UGT1A5: variants seen among roughly 807,000 people sequenced by gnomAD.
UGT1A5 encodes the protein UDP-glucuronosyltransferase 1A5.
UGT1A5 carries 29 observed loss-of-function variants against 40.3 expected under a neutral mutation model. The observed-to-expected ratio is 0.72, with a 90% CI of 0.54 to 0.98. The LOEUF is 0.98. Among genes scored for constraint, UGT1A5 ranks in the 50% least tolerant of loss-of-function variants. The pLI, the probability that UGT1A5 is intolerant of heterozygous loss-of-function variation, is 0.00. For synonymous variants in UGT1A5, 257 were observed against 262.5 expected, an observed-to-expected ratio of 0.98 and a Z score of 0.20; for missense variants, 678 against 677.9, an observed-to-expected ratio of 1.00 and a Z score of 0.00.
intron 1 of UGT1A5, among the ~76,000 whole-genome samples, chr2:233,717,089 A>C (rs570408978): frequency 1.1e-4 from 16 of 152,286 alleles, no homozygotes; most frequent in South Asian, 2.1e-4. Flanking sequence ...AAATCAGATG[A>C]CATCACTATC....
At chr2:233,730,838 T>G (rs2078079443) in intron 1 of UGT1A5, among the ~76,000 whole-genome samples, 1 of 152,124 alleles carries the variant, frequency 6.6e-6, no homozygotes, top group Admixed American at 6.5e-5. Context: ...CAGGAGAGGC[T>G]CATCACATCA....
intron 1 of UGT1A5, among the ~76,000 whole-genome samples, chr2:233,744,723 G>A (rs187577100): frequency 9.2e-5 from 14 of 151,876 alleles, no homozygotes; most frequent in Admixed American, 8.5e-4. Flanking sequence ...AGAGAATGAC[G>A]GTGAAAAAAT....
rs1331273154 is a variant in UGT1A5 at position 233,755,158 on chromosome 2, C to T, written c.868-11876C>T. On this transcript the variant is annotated intron_variant, in intron 1 of 4. Coordinates refer to ENST00000373414, the MANE Select transcript of UGT1A5 (RefSeq NM_019078.2). ...AATCTTCTCACCGCTTCCTCCCTGT[C>T]CTCGGGGTTTTTGTCGGGGTGCCAC... 1.2e-4 allele frequency: 159 copies of T among 1,292,482 alleles called. 2 individuals are homozygous for T. Among genetic ancestry groups the T allele is most frequent in the Non-Finnish European group, 4.6e-5 (44 of 955,692 alleles). The allele number at this position is 1,292,482 out of a possible 1,614,324, so 80.1% of individuals were successfully genotyped here.
chr2:233,724,947 G>C (rs941284896), intron 1 of UGT1A5, among the ~76,000 whole-genome samples: 2 of 144,584 alleles, frequency 1.4e-5, no homozygotes, highest in African/African-American at 5.3e-5. Context: ...CTGCAATCCC[G>C]GCACCTCGGG....
chr2:233,767,788 G>T, intron 2 of UGT1A5, 61 bp from the exon 3 acceptor site: 1 of 1,613,882 alleles, frequency 6.2e-7, no homozygotes, highest in Non-Finnish European at 8.5e-7. Flanking sequence ...TAGTATAGCA[G>T]ATTTGTTTTC....
At chr2:233,761,840 A>T (rs1697880873) in intron 1 of UGT1A5, among the ~76,000 whole-genome samples, 1 of 152,140 alleles carries the variant, frequency 6.6e-6, no homozygotes, top group African/African-American at 2.4e-5. Context: ...AGCGTTAGGG[A>T]ATTACTCTTT....
intron 1 of UGT1A5, among the ~76,000 whole-genome samples, chr2:233,737,497 A>G (rs1575619064): frequency 6.6e-6 from 1 of 152,008 alleles, no homozygotes. Context: ...GAAATCCCTC[A>G]CCCTCTTGCA....
At chr2:233,733,101 G>T (rs1559378148) in intron 1 of UGT1A5, among the ~76,000 whole-genome samples, 1 of 151,784 alleles carries the variant, frequency 6.6e-6, no homozygotes, top group Non-Finnish European at 1.5e-5. Flanking sequence ...TCATGGTTTG[G>T]CTCTGTTTGT....
chr2:233,760,577 A>G (rs1222761790), intron 1 of UGT1A5: 2 of 1,614,128 alleles, frequency 1.2e-6, no homozygotes, highest in Non-Finnish European at 1.7e-6. Context: ...AGTCTCGGGC[A>G]TAATGTTTTT....
chr2:233,771,951 C>T (rs1331596370), intron 4 of UGT1A5, among the ~76,000 whole-genome samples: 1 of 152,070 alleles, frequency 6.6e-6, no homozygotes, highest in African/African-American at 2.4e-5. Context: ...CTTGTTTCTA[C>T]AAAAAATTTA....
chr2:233,746,863 GATAA>G lies in UGT1A5; in HGVS notation c.868-20169_868-20166del, dbSNP rs761863158. 2.4e-3 allele frequency among the ~76,000 whole-genome samples: 366 copies of G among 151,888 alleles called. 1 individual carries two copies. The highest frequency in any genetic ancestry group is 3.4e-3 in the Non-Finnish European group (229 of 68,012). The stretch of plus-strand genomic sequence containing the variant: ...ACCTCTCAGACCTCAGCTGCAGCCT[GATAA>G]ACGTGGTTAACAGAGAAGTAGGAGG... On this transcript the variant is annotated intron_variant, in intron 1 of 4. Transcript: ENST00000373414.
intron 1 of UGT1A5, among the ~76,000 whole-genome samples, chr2:233,757,541 T>TATACATATACATAC (rs1229454769): frequency 8.5e-6 from 1 of 117,592 alleles, no homozygotes; most frequent in Admixed American, 8.1e-5. Context: ...AAGGAATATA[T>TATACATATACATAC]ATATATATAT....
At chr2:233,745,790 T>G (rs1693218354) in intron 1 of UGT1A5, among the ~76,000 whole-genome samples, 2 of 150,238 alleles carry the variant, frequency 1.3e-5, no homozygotes, top group African/African-American at 2.5e-5. Flanking sequence ...ACAGGGGGGC[T>G]GGGGTCTATC....
At position 233,764,542 on chromosome 2, in the gene UGT1A5, C is replaced by T. The variant is rs34078324; in HGVS notation, c.868-2492C>T. ...CACATCCTGCTGATTGCTGAGTGGGCGTGTGGGAGGGTGTGCCTGGAGGAG... is the reference window on the plus strand; with the variant it reads ...CACATCCTGCTGATTGCTGAGTGGGTGTGTGGGAGGGTGTGCCTGGAGGAG... On this transcript the variant is annotated intron_variant, in intron 1 of 4. Transcript: ENST00000373414. Among the ~76,000 whole-genome samples, 1,361 of 152,150 alleles carry T rather than the reference C, an allele frequency of 8.9e-3. 20 individuals carry two copies. The highest frequency in any genetic ancestry group is 0.032 in the African/African-American group (1,309 of 41,498).
intron 1 of UGT1A5, among the ~76,000 whole-genome samples, chr2:233,737,817 A>C (rs1486472314): frequency 6.6e-6 from 1 of 152,110 alleles, no homozygotes; most frequent in Admixed American, 6.5e-5. Flanking sequence ...TCAGTGGAGC[A>C]GAACAAATTG....
In UGT1A5 at chr2:233,713,810, G is replaced by T. The variant is rs537377644; in HGVS notation, c.819G>T (p.Met273Ile). Residue 273 changes from methionine to isoleucine, a missense_variant, in exon 1 of 5, where the codon ATG (methionine) becomes ATT (isoleucine). Physicochemically the swap from Met to Ile is conservative, Grantham distance 10. Coordinates refer to ENST00000373414, the MANE Select transcript of UGT1A5 (RefSeq NM_019078.2). ...MDYPRPIMPN[M>I]VFIGGINCAN... is the part of the protein sequence containing the mutation. ...ACCCCAGGCCGATCATGCCCAACAT[G>T]GTCTTCATTGGGGGCATCAACTGTG... 2.5e-6 allele frequency: 4 copies of T among 1,614,058 alleles called. No individual in the cohort carries two copies. The South Asian group carries it at 4.4e-5, about 18-fold the overall frequency.
In UGT1A5 at chr2:233,760,260, G is replaced by A. The variant is rs753448247; in HGVS notation, c.868-6774G>A. ...TATATATATATATAAGTAGGAGAGG[G>A]CGAACCTCTGGCAGGAGCAAAGGCG... On this transcript the variant is annotated intron_variant, in intron 1 of 4. Coordinates refer to ENST00000373414, the MANE Select transcript of UGT1A5 (RefSeq NM_019078.2). 3.1e-6 allele frequency: 5 copies of A among 1,611,260 alleles called. 1 individual carries two copies. Among genetic ancestry groups the A allele is most frequent in the South Asian group, 2.2e-5 (2 of 90,906 alleles).
chr2:233,737,470 C>T (rs544364093), intron 1 of UGT1A5, among the ~76,000 whole-genome samples: 5 of 152,298 alleles, frequency 3.3e-5, no homozygotes, highest in African/African-American at 1.2e-4. Flanking sequence ...GTCATGGCTC[C>T]CCTTGTCTAG....
At chr2:233,751,162 T>C (rs1694655523) in intron 1 of UGT1A5, among the ~76,000 whole-genome samples, 1 of 151,980 alleles carries the variant, frequency 6.6e-6, no homozygotes, top group South Asian at 2.1e-4. Flanking sequence ...GGCATCAGCA[T>C]GACCTAGATA....
Sources: allele counts gnomAD v4.1 joint callset (sites outside exome capture counted in the v4.1 genomes callset), GRCh38; gene constraint gnomAD v4.1.1; transcripts MANE v1.5; gene names NCBI Gene and HGNC (gene_info 2026-07-23, HGNC 2026-07-21).